Variants in MRPL48 observed in about 807,000 individuals in gnomAD.
The protein encoded by MRPL48 is mitochondrial ribosomal protein L48.
In MRPL48, 16 loss-of-function variants were observed where a neutral mutation model predicts 32.9. The ratio of observed to expected loss-of-function variants is 0.49; its 90% CI spans 0.33 to 0.74. MRPL48 has a LOEUF of 0.74. MRPL48 is among the 30% of genes least tolerant of loss of function. MRPL48 has a pLI of 0.02. For missense variants in MRPL48, 206 were observed against 245.3 expected, an observed-to-expected ratio of 0.84 and a Z score of 1.07; for synonymous variants, 94 against 89.2, an observed-to-expected ratio of 1.05 and a Z score of -0.31.
chr11:73,845,713 T>C (rs540884347), intron 5 of MRPL48, among the ~76,000 whole-genome samples: 2 of 152,108 alleles, frequency 1.3e-5, no homozygotes, highest in East Asian at 3.9e-4. Flanking sequence ...GAGACTGCAG[T>C]GAGCTGTGTT....
intron 4 of MRPL48, among the ~76,000 whole-genome samples, chr11:73,835,415 C>T (rs964219203): frequency 9.9e-5 from 15 of 152,218 alleles, no homozygotes; most frequent in Admixed American, 2.0e-4. Flanking sequence ...GCTAGGATTA[C>T]AGGCGTGAGC....
intron 5 of MRPL48, among the ~76,000 whole-genome samples, chr11:73,852,056 G>C (rs1948401928): frequency 6.6e-6 from 1 of 152,132 alleles, no homozygotes; most frequent in African/African-American, 2.4e-5. Context: ...TAGTAATTTA[G>C]AGTAGTGCTT....
chr11:73,824,327 C>G (rs1320156961), intron 3 of MRPL48, among the ~76,000 whole-genome samples: 1 of 151,974 alleles, frequency 6.6e-6, no homozygotes, highest in East Asian at 1.9e-4. Flanking sequence ...CGGTGGCTCA[C>G]GCCTGCAATG....
rs146833947 is a variant in MRPL48 at position 73,840,364 on chromosome 11, C to T, written c.202-4443C>T. Among the ~76,000 whole-genome samples the T allele has an allele frequency of 9.8e-3, 1,485 of 152,188 alleles. 21 individuals carry two copies. Among genetic ancestry groups the T allele is most frequent in the Middle Eastern group, 0.037 (11 of 294 alleles). Reference sequence around the variant, plus strand: ...CAAAAATTAGCTGGGCATAATGGCACATGCCTGTAATCCTAGCTGCTCAGG... The same window carrying T: ...CAAAAATTAGCTGGGCATAATGGCATATGCCTGTAATCCTAGCTGCTCAGG... On this transcript the variant is annotated intron_variant, in intron 4 of 7. Transcript: ENST00000310614.
chr11:73,794,556 T>C (rs542673523), intron 1 of MRPL48, among the ~76,000 whole-genome samples: 1 of 132,888 alleles, frequency 7.5e-6, no homozygotes, highest in South Asian at 2.3e-4. Context: ...ACTCCATCTC[T>C]GGAAAAAAAA....
chr11:73,820,203 T>C (rs976394911), intron 3 of MRPL48, among the ~76,000 whole-genome samples: 3 of 152,188 alleles, frequency 2.0e-5, no homozygotes, highest in Non-Finnish European at 4.4e-5. Context: ...CCCAGCACGG[T>C]TGATTCCGAC....
At chr11:73,788,988 A>G (rs1427581169) in intron 1 of MRPL48, among the ~76,000 whole-genome samples, 1 of 152,312 alleles carries the variant, frequency 6.6e-6, no homozygotes, top group South Asian at 2.1e-4. Flanking sequence ...TGTGGCAACT[A>G]TATTTCCATG....
intron 1 of MRPL48, among the ~76,000 whole-genome samples, chr11:73,795,755 C>T (rs1947244437): frequency 6.6e-6 from 1 of 152,068 alleles, no homozygotes; most frequent in South Asian, 2.1e-4. Flanking sequence ...ATCCACCCGC[C>T]TCAGCCTCCC....
At chr11:73,835,287 ACG>A (rs1590979274) in intron 4 of MRPL48, among the ~76,000 whole-genome samples, 2 of 151,594 alleles carry the variant, frequency 1.3e-5, no homozygotes, top group East Asian at 3.9e-4. Context: ...GATTACAGGC[ACG>A]TGCCACCATG....
intron 6 of MRPL48, among the ~76,000 whole-genome samples, chr11:73,861,527 G>A (rs2135092482): frequency 6.6e-6 from 1 of 152,216 alleles, no homozygotes; most frequent in East Asian, 1.9e-4. Context: ...GCGCCACCAT[G>A]CCCAGCTAAT....
At chr11:73,803,533 CT>C (rs1947394368) in intron 1 of MRPL48, among the ~76,000 whole-genome samples, 1 of 151,916 alleles carries the variant, frequency 6.6e-6, no homozygotes, top group Non-Finnish European at 1.5e-5. Context: ...TGTCCTTTTT[CT>C]GTTGCAGATC....
At chr11:73,791,958 A>C (rs1367051243) in intron 1 of MRPL48, among the ~76,000 whole-genome samples, 1 of 152,076 alleles carries the variant, frequency 6.6e-6, no homozygotes, top group Non-Finnish European at 1.5e-5. Flanking sequence ...CGGTCTCACT[A>C]TGTTGCCCAG....
At chr11:73,864,194 C>A in intron 7 of MRPL48, 102 bp from the exon 8 acceptor site, 3 of 934,466 alleles carry the variant, frequency 3.2e-6, no homozygotes, top group South Asian at 3.0e-5. Flanking sequence ...CTGAATGATT[C>A]TCTACAGAGC....
At chr11:73,794,830 C>T (rs1235461183) in intron 1 of MRPL48, among the ~76,000 whole-genome samples, 13 of 150,698 alleles carry the variant, frequency 8.6e-5, no homozygotes, top group African/African-American at 2.4e-4. Flanking sequence ...CCACAACCTC[C>T]GCCTCCCGGG....
chr11:73,795,805 T>C (rs1723835), intron 1 of MRPL48, among the ~76,000 whole-genome samples: 78,330 of 151,876 alleles, frequency 0.52, 21,569 homozygotes, highest in African/African-American at 0.73. Context: ...TGCACCCGGC[T>C]TATTCACTTT....
intron 5 of MRPL48, among the ~76,000 whole-genome samples, chr11:73,846,043 G>A (rs1218126958): frequency 6.8e-6 from 1 of 146,630 alleles, no homozygotes; most frequent in Non-Finnish European, 1.5e-5. Context: ...ACTCCAGCGT[G>A]GGCAACAGAG....
intron 4 of MRPL48, among the ~76,000 whole-genome samples, chr11:73,843,754 G>A (rs1043261461): frequency 6.6e-6 from 1 of 152,008 alleles, no homozygotes; most frequent in African/African-American, 2.4e-5. Flanking sequence ...TCTCTCCTCA[G>A]AAACATGTAC....
At chr11:73,792,251 A>G (rs1474101157) in intron 1 of MRPL48, among the ~76,000 whole-genome samples, 1 of 152,222 alleles carries the variant, frequency 6.6e-6, no homozygotes, top group Non-Finnish European at 1.5e-5. Context: ...GAATGCACCA[A>G]GGAAATGAGT....
chr11:73,793,665 C>T (rs1947192760), intron 1 of MRPL48, among the ~76,000 whole-genome samples: 1 of 151,962 alleles, frequency 6.6e-6, no homozygotes. Context: ...GAGAGAAGCA[C>T]TGGGGTGTAG....
Sources: allele counts gnomAD v4.1 joint callset (sites outside exome capture counted in the v4.1 genomes callset), GRCh38; gene constraint gnomAD v4.1.1; transcripts MANE v1.5; gene names NCBI Gene and HGNC (gene_info 2026-07-23, HGNC 2026-07-21).